The following LRRC7 variants were observed in gnomAD, a reference collection of about 807,000 sequenced individuals.
LRRC7 encodes the protein leucine rich repeat containing 7, also known as leucine-rich repeat-containing protein 7.
In LRRC7, 23 loss-of-function variants were observed where a neutral mutation model predicts 175.7. The ratio of observed to expected loss-of-function variants is 0.13; its 90% CI spans 0.09 to 0.19. The LOEUF (loss-of-function observed/expected upper bound fraction) is 0.19. Among genes scored for constraint, LRRC7 ranks in the 10% least tolerant of loss-of-function variants. The pLI, the probability that LRRC7 is intolerant of heterozygous loss-of-function variation, is 1.00. For synonymous variants in LRRC7, 685 were observed against 680.9 expected (o/e 1.01, Z -0.09); for missense variants, 1,354 against 1,904.7 (o/e 0.71, Z 5.38).
chr1:69,919,586 C>G, intron 7 of LRRC7: 1 of 809,346 alleles, frequency 1.2e-6, no homozygotes. Flanking sequence ...GGAAATCACC[C>G]GGACCAAGGA....
intron 8 of LRRC7, among the ~76,000 whole-genome samples, chr1:69,933,794 G>A (rs895818897): frequency 1.3e-5 from 2 of 152,110 alleles, no homozygotes; most frequent in Non-Finnish European, 2.9e-5. Flanking sequence ...AAAACTAGTT[G>A]TACTAAAAGT....
chr1:69,904,962 C>A (rs1646252280), intron 7 of LRRC7, among the ~76,000 whole-genome samples: 1 of 152,106 alleles, frequency 6.6e-6, no homozygotes, highest in Non-Finnish European at 1.5e-5. Flanking sequence ...GAAGATAACA[C>A]CCTCCATTAT....
At chr1:69,781,736 AGAGAGAGAGAGAGAGAGAGAGAGAGAGAG>A (rs1673608713) in intron 3 of LRRC7, among the ~76,000 whole-genome samples, 1 of 33,246 alleles carries the variant, frequency 3.0e-5, no homozygotes, top group African/African-American at 2.0e-4. Flanking sequence ...AGAAAGAAAG[AGAGAGAGAGAGAGAGAGAGAGAGAGAGAG>A]AAAGAAAGAA....
intron 2 of LRRC7, among the ~76,000 whole-genome samples, chr1:69,744,765 T>G (rs1340776059): frequency 1.3e-5 from 2 of 151,876 alleles, no homozygotes; most frequent in African/African-American, 4.8e-5. Flanking sequence ...CATTTCCATT[T>G]GAAAAGATTT....
At chr1:70,104,257 C>A (rs569908891) in intron 25 of LRRC7, among the ~76,000 whole-genome samples, 1 of 152,290 alleles carries the variant, frequency 6.6e-6, no homozygotes, top group East Asian at 1.9e-4. Context: ...TGAGTTGTTA[C>A]AATGAGCTTT....
rs1482043308 is a variant in LRRC7, at chr1:69,971,983, A to G, written c.712-8396A>G. On this transcript the variant is annotated intron_variant, in intron 8 of 26. Coordinates refer to ENST00000651989, the MANE Select transcript of LRRC7 (RefSeq NM_001370785.2). ...AAATAAACCCTCATACTTACAGCCA[A>G]CTGATCTTTGACAAAGCAAACAAAA... Among the ~76,000 whole-genome samples the G allele has an allele frequency of 2.6e-5, 4 of 152,180 alleles. No individual in the cohort carries two copies. In the East Asian group the frequency reaches 5.8e-4, roughly 22 times the overall value.
chr1:69,819,435 A>AAG (rs1678976639), intron 4 of LRRC7, among the ~76,000 whole-genome samples: 1 of 151,978 alleles, frequency 6.6e-6, no homozygotes, highest in Admixed American at 6.6e-5. Flanking sequence ...GATACTTGAT[A>AAG]TTATTTCAGT....
intron 1 of LRRC7, among the ~76,000 whole-genome samples, chr1:69,673,487 A>T (rs1380645892): frequency 6.6e-6 from 1 of 152,130 alleles, no homozygotes; most frequent in Non-Finnish European, 1.5e-5. Context: ...ACACACTCCC[A>T]CTGGTGGCTT....
At chr1:69,833,067 T>G (rs1680708542) in intron 5 of LRRC7, among the ~76,000 whole-genome samples, 1 of 149,946 alleles carries the variant, frequency 6.7e-6, no homozygotes, top group Non-Finnish European at 1.5e-5. Context: ...ATTGCACCAT[T>G]GCACTCTAGC....
At chr1:69,924,793 C>A (rs1413383562) in intron 7 of LRRC7, among the ~76,000 whole-genome samples, 3 of 152,154 alleles carry the variant, frequency 2.0e-5, no homozygotes, top group Non-Finnish European at 2.9e-5. Context: ...CCCTTTATTT[C>A]TTTCTCATGC....
chr1:69,842,077 T>A (rs1384618497), intron 7 of LRRC7, among the ~76,000 whole-genome samples: 1 of 152,052 alleles, frequency 6.6e-6, no homozygotes, highest in Non-Finnish European at 1.5e-5. Context: ...TAATTAATAT[T>A]TATAACAACT....
chr1:69,916,181 T>TATTATATACATATTTTATATATATAA (rs1471354328), intron 7 of LRRC7, among the ~76,000 whole-genome samples: 1 of 141,560 alleles, frequency 7.1e-6, no homozygotes, highest in African/African-American at 2.6e-5. Flanking sequence ...ATAATATATA[T>TATTATATACATATTTTATATATATAA]TACATACATA....
intron 24 of LRRC7, among the ~76,000 whole-genome samples, chr1:70,076,878 A>T (rs2102132156): frequency 6.6e-6 from 1 of 152,320 alleles, no homozygotes. Context: ...AACCTATCTA[A>T]AATTAGGATT....
At chr1:69,632,350 G>T (rs1483382799) in intron 1 of LRRC7, among the ~76,000 whole-genome samples, 1 of 152,144 alleles carries the variant, frequency 6.6e-6, no homozygotes, top group Non-Finnish European at 1.5e-5. Flanking sequence ...CTTGCACTGT[G>T]ATATATGGCT....
intron 8 of LRRC7, among the ~76,000 whole-genome samples, chr1:69,959,680 C>T (rs1225567553): frequency 6.6e-6 from 1 of 152,018 alleles, no homozygotes; most frequent in African/African-American, 2.4e-5. Flanking sequence ...AAGATTCAGT[C>T]CTCTGCTTCA....
Position 69,717,762 on chromosome 1 carries a change from A to AAAGAAAGAAAG in LRRC7, c.100+39286_100+39287insGAAAGAAAGAA, listed in dbSNP as rs1557640309. On this transcript the variant is annotated intron_variant, in intron 2 of 26. Transcript: ENST00000651989. ...ATTTAAAAGATATTGGAACATGAAA[A>AAAGAAAGAAAG]AAAGAAAAAAAGAAAGAAAGAAAGA... 5.1e-4 allele frequency among the ~76,000 whole-genome samples: 21 copies of AAAGAAAGAAAG among 40,842 alleles called. 8 individuals are homozygous for AAAGAAAGAAAG. Among genetic ancestry groups the AAAGAAAGAAAG allele is most frequent in the African/African-American group, 1.7e-3 (12 of 6,934 alleles). The allele number at this position is 40,842 out of a possible 152,430, so 26.8% of individuals were successfully genotyped here.
At chr1:70,020,323 G>A (rs1306726108) in intron 15 of LRRC7, among the ~76,000 whole-genome samples, 1 of 151,642 alleles carries the variant, frequency 6.6e-6, no homozygotes, top group Non-Finnish European at 1.5e-5. Context: ...AACATTTTAT[G>A]TAAAAAAAAG....
In LRRC7 at chr1:69,704,861, A is replaced by G. The variant is rs1017762398; in HGVS notation, c.100+26383A>G. Among the ~76,000 whole-genome samples, 4 of 152,092 alleles carry G rather than the reference A, an allele frequency of 2.6e-5. No homozygotes were observed. The East Asian group carries it at 5.8e-4, about 22-fold the overall frequency. ...AAATTATCTTAAGCATTACAATACTATTGTTAGCCAATGAAATAAAATTCT... is the reference window on the plus strand; with the variant it reads ...AAATTATCTTAAGCATTACAATACTGTTGTTAGCCAATGAAATAAAATTCT... On this transcript the variant is annotated intron_variant, in intron 2 of 26. Coordinates refer to ENST00000651989, the MANE Select transcript of LRRC7 (RefSeq NM_001370785.2).
chr1:69,825,443 T>C (rs1679794930), intron 4 of LRRC7, among the ~76,000 whole-genome samples: 1 of 152,128 alleles, frequency 6.6e-6, no homozygotes, highest in Non-Finnish European at 1.5e-5. Flanking sequence ...TTTTTATTTC[T>C]TTAGGTTACC....
Sources: allele counts gnomAD v4.1 joint callset (sites outside exome capture counted in the v4.1 genomes callset), GRCh38; gene constraint gnomAD v4.1.1; transcripts MANE v1.5; gene names NCBI Gene and HGNC (gene_info 2026-07-23, HGNC 2026-07-21).